DLGAP1: variants seen among roughly 807,000 people sequenced by gnomAD.
DLGAP1 encodes disks large-associated protein 1.
DLGAP1 carries 11 observed loss-of-function variants against 90.8 expected under a neutral mutation model. The observed-to-expected ratio is 0.12, with a 90% CI of 0.08 to 0.20. The LOEUF is 0.20. Among genes scored for constraint, DLGAP1 ranks in the 10% least tolerant of loss-of-function variants. The pLI, the probability that DLGAP1 is intolerant of heterozygous loss-of-function variation, is 1.00. For synonymous variants in DLGAP1, 558 were observed against 540.7 expected, an observed-to-expected ratio of 1.03 and a Z score of -0.44; for missense variants, 1,050 against 1,333.8, an observed-to-expected ratio of 0.79 and a Z score of 3.31.
intron 7 of DLGAP1, chr18:3,656,405 T>C (rs1278653288): frequency 2.7e-6 from 1 of 373,504 alleles, no homozygotes; most frequent in Non-Finnish European, 4.9e-6. Flanking sequence ...TGACTATTTC[T>C]GTGTATAAAT....
intron 1 of DLGAP1, among the ~76,000 whole-genome samples, chr18:4,262,933 ATTTT>A (rs1460157892): frequency 4.0e-5 from 6 of 151,644 alleles, no homozygotes; most frequent in African/African-American, 1.5e-4. Flanking sequence ...TATTATTATT[ATTTT>A]ATTATTTTTT....
intron 7 of DLGAP1, among the ~76,000 whole-genome samples, chr18:3,638,108 G>A (rs1469858552): frequency 6.6e-6 from 1 of 151,770 alleles, no homozygotes; most frequent in Non-Finnish European, 1.5e-5. Context: ...CACCCCGCCA[G>A]GCTAATTTTT....
intron 7 of DLGAP1, among the ~76,000 whole-genome samples, chr18:3,655,087 C>A (rs1278761799): frequency 6.6e-6 from 1 of 152,108 alleles, no homozygotes; most frequent in Non-Finnish European, 1.5e-5. Context: ...CCAACCCCCA[C>A]TGCAATTTCC....
chr18:4,095,142 A>G (rs920185855), intron 2 of DLGAP1, among the ~76,000 whole-genome samples: 2 of 152,174 alleles, frequency 1.3e-5, no homozygotes, highest in African/African-American at 4.8e-5. Flanking sequence ...TTGCCTCAAG[A>G]GGGGACCAGC....
At chr18:4,048,759 A>T (rs1035155320) in intron 2 of DLGAP1, among the ~76,000 whole-genome samples, 2 of 152,210 alleles carry the variant, frequency 1.3e-5, no homozygotes, top group Non-Finnish European at 2.9e-5. Flanking sequence ...AGCAGTAGAA[A>T]AAGGCTGCTT....
intron 3 of DLGAP1, among the ~76,000 whole-genome samples, chr18:3,951,148 A>C (rs2072977551): frequency 1.3e-5 from 2 of 152,222 alleles, no homozygotes; most frequent in African/African-American, 4.8e-5. Flanking sequence ...TGTAAGACTA[A>C]TGCAATTGAT....
chr18:3,657,754 C>A (rs929670226), intron 7 of DLGAP1, among the ~76,000 whole-genome samples: 1 of 152,080 alleles, frequency 6.6e-6, no homozygotes, highest in Non-Finnish European at 1.5e-5. Flanking sequence ...AGGCGCCCGC[C>A]ACCGCACCCG....
rs147187847 is a variant in DLGAP1, at chr18:3,597,698, CTT to C, written c.1592-15452_1592-15451del. On this transcript the variant is annotated intron_variant, in intron 7 of 12. Transcript: ENST00000315677. ...GCCAGGGCTTGACCTGGTACAGGAG[CTT>C]TTGCACAAGGCCGGCTCAAACCTCC... 4.5e-3 allele frequency: 726 copies of C among 162,578 alleles called. 2 individuals carry two copies. Among genetic ancestry groups the C allele is most frequent in the African/African-American group, 0.016 (686 of 41,596 alleles). 10.1% of individuals were successfully genotyped at this position (162,578 alleles called of 1,614,324 possible).
In DLGAP1 at chr18:3,879,029, T is replaced by G; in HGVS notation, c.957+83A>C. The G allele has an allele frequency of 8.4e-7, 1 of 1,195,064 alleles. No homozygotes were observed. The highest frequency in any genetic ancestry group is 1.1e-6 in the Non-Finnish European group (1 of 882,350). 74.0% of individuals were successfully genotyped at this position (1,195,064 alleles called of 1,614,324 possible). On this transcript the variant is annotated intron_variant, in intron 4 of 12. Coordinates refer to ENST00000315677, the MANE Select transcript of DLGAP1 (RefSeq NM_004746.4). The surrounding 1 kb of genome is among the most constrained non-coding windows in gnomAD (Gnocchi z 6.6). ...TATCTTAATAGACAATTCAGAGTAG[T>G]GCCAAGACTAGAACCAGGAGAAATG...
chr18:3,677,323 C>G (rs1312273133), intron 7 of DLGAP1, among the ~76,000 whole-genome samples: 2 of 152,220 alleles, frequency 1.3e-5, no homozygotes, highest in African/African-American at 4.8e-5. Context: ...GAACACTAGC[C>G]TGGCTCCATT....
chr18:3,930,763 T>C (rs1251894396), intron 3 of DLGAP1, among the ~76,000 whole-genome samples: 1 of 152,110 alleles, frequency 6.6e-6, no homozygotes, highest in Non-Finnish European at 1.5e-5. Context: ...ATCACAGTGG[T>C]CCAGAGAGCT....
chr18:4,451,796 A>G (rs532949500), intron 1 of DLGAP1, among the ~76,000 whole-genome samples: 82 of 152,328 alleles, frequency 5.4e-4, no homozygotes, highest in African/African-American at 1.9e-3. Context: ...AACAACATAA[A>G]GATTTTTCTA....
intron 2 of DLGAP1, among the ~76,000 whole-genome samples, chr18:4,042,513 C>T (rs1459431228): frequency 5.9e-5 from 9 of 152,182 alleles, no homozygotes; most frequent in South Asian, 4.2e-4. Flanking sequence ...CAAGGTCTGC[C>T]GATCACCTGA....
intron 7 of DLGAP1, among the ~76,000 whole-genome samples, 159 bp downstream of exon 7, chr18:3,728,976 G>A (rs563615248): frequency 2.0e-5 from 3 of 152,326 alleles, no homozygotes; most frequent in African/African-American, 7.2e-5. Flanking sequence ...CAGAGGCGGG[G>A]ATAGAGGCAG....
intron 3 of DLGAP1, among the ~76,000 whole-genome samples, chr18:3,946,545 T>C (rs1365040769): frequency 6.6e-6 from 1 of 152,218 alleles, no homozygotes; most frequent in Non-Finnish European, 1.5e-5. Context: ...CTTGGTTCAA[T>C]TATTTACACT....
chr18:4,248,142 C>G (rs1002069348), intron 1 of DLGAP1, among the ~76,000 whole-genome samples: 3 of 152,136 alleles, frequency 2.0e-5, no homozygotes, highest in Admixed American at 2.0e-4. Flanking sequence ...TCACTGCAAA[C>G]CCTTGCTGCC....
intron 5 of DLGAP1, among the ~76,000 whole-genome samples, chr18:3,810,832 G>T (rs992712095): frequency 7.9e-5 from 12 of 151,960 alleles, no homozygotes; most frequent in Non-Finnish European, 1.6e-4. Flanking sequence ...TTGAGACAGG[G>T]TCTCTCTCTG....
At chr18:4,055,886 G>A (rs1056665254) in intron 2 of DLGAP1, among the ~76,000 whole-genome samples, 1 of 152,124 alleles carries the variant, frequency 6.6e-6, no homozygotes, top group African/African-American at 2.4e-5. Context: ...AAGTAAGAAA[G>A]GTGAGATGTG....
At chr18:3,560,601 A>AG (rs1248506262) in intron 9 of DLGAP1, among the ~76,000 whole-genome samples, 12 of 150,086 alleles carry the variant, frequency 8.0e-5, no homozygotes, top group Non-Finnish European at 1.6e-4. Context: ...AAAAAAAAAA[A>AG]AAAAAAAGCA....
Sources: allele counts gnomAD v4.1 joint callset (sites outside exome capture counted in the v4.1 genomes callset), GRCh38; gene constraint gnomAD v4.1.1; non-coding constraint Gnocchi (gnomAD v3.1); transcripts MANE v1.5; gene names NCBI Gene and HGNC (gene_info 2026-07-23, HGNC 2026-07-21).